Variants in CDH12 observed in about 807,000 individuals in gnomAD.
The protein encoded by CDH12 is cadherin 12.
Under a neutral mutation model 74.1 loss-of-function variants are expected in CDH12, and 41 were observed. That is an observed-to-expected ratio of 0.55 (90% CI 0.43 to 0.72). The LOEUF (loss-of-function observed/expected upper bound fraction) is 0.72. Among genes scored for constraint, CDH12 ranks in the 30% least tolerant of loss-of-function variants. The pLI, the probability that CDH12 is intolerant of heterozygous loss-of-function variation, is 0.00. For synonymous variants in CDH12, 399 were observed against 355.0 expected (o/e 1.12, Z -1.39); for missense variants, 945 against 977.2 (o/e 0.97, Z 0.44).
chr5:22,835,341 C>T (rs1223973533), intron 1 of CDH12, among the ~76,000 whole-genome samples: 1 of 152,072 alleles, frequency 6.6e-6, no homozygotes, highest in East Asian at 1.9e-4. Flanking sequence ...ATATGGAAAA[C>T]TAGGATATCC....
chr5:22,308,742 T>C (rs1413280447), intron 3 of CDH12, among the ~76,000 whole-genome samples: 2 of 151,364 alleles, frequency 1.3e-5, no homozygotes, highest in Non-Finnish European at 2.9e-5. Context: ...TTTCAGGAAC[T>C]AGGACATGGA....
intron 4 of CDH12, among the ~76,000 whole-genome samples, chr5:22,205,774 G>C (rs1751184691): frequency 6.6e-6 from 1 of 152,030 alleles, no homozygotes; most frequent in Non-Finnish European, 1.5e-5. Flanking sequence ...TCAGTATGGA[G>C]TTATCTTGGG....
intron 4 of CDH12, among the ~76,000 whole-genome samples, chr5:22,157,883 T>C (rs4235546): frequency 0.76 from 115,871 of 151,840 alleles, 45,320 homozygotes; most frequent in Non-Finnish European, 0.84. Flanking sequence ...ATATTTGGCA[T>C]GAAGTCTAAA....
Position 21,757,156 on chromosome 5 carries a change from T to C in CDH12, c.1634-1314A>G, listed in dbSNP as rs538396468. Among the ~76,000 whole-genome samples the C allele has an allele frequency of 2.6e-5, 4 of 152,244 alleles. No homozygotes were observed. In the East Asian group the frequency reaches 7.7e-4, roughly 29 times the overall value. On this transcript the variant is annotated intron_variant, in intron 13 of 14. Coordinates refer to ENST00000382254, the MANE Select transcript of CDH12 (RefSeq NM_004061.5). ...TATGTGTCAAATGGCAGCCTAACCC[T>C]TTTTAAAATGTTTATTTTCAATTTA...
intron 3 of CDH12, among the ~76,000 whole-genome samples, chr5:22,324,215 A>T (rs898714480): frequency 2.6e-5 from 4 of 152,130 alleles, no homozygotes; most frequent in African/African-American, 9.6e-5. Context: ...AATTTTTACT[A>T]AAATTACTAG....
chr5:22,718,990 T>C (rs1053240083), intron 1 of CDH12, among the ~76,000 whole-genome samples: 1 of 152,190 alleles, frequency 6.6e-6, no homozygotes, highest in Non-Finnish European at 1.5e-5. Context: ...ATAGAGCTTT[T>C]ACTGAGGTTC....
chr5:21,850,417 A>G (rs563578013), intron 7 of CDH12, among the ~76,000 whole-genome samples: 1 of 151,590 alleles, frequency 6.6e-6, no homozygotes, highest in African/African-American at 2.4e-5. Context: ...ATCTCTTATG[A>G]CAGCATGTTA....
intron 6 of CDH12, among the ~76,000 whole-genome samples, chr5:21,934,950 C>A (rs1755010678): frequency 6.6e-6 from 1 of 152,136 alleles, no homozygotes; most frequent in South Asian, 2.1e-4. Context: ...TCACGCCCGG[C>A]TAATTTTTTG....
intron 4 of CDH12, among the ~76,000 whole-genome samples, chr5:22,136,305 G>A (rs974397668): frequency 3.3e-5 from 5 of 151,840 alleles, no homozygotes; most frequent in Admixed American, 6.6e-5. Context: ...GTTCCATGTG[G>A]AGTGAGGTTA....
rs1266480250 is a variant in CDH12 at position 21,765,048 on chromosome 5, A to T, written c.1445T>A (p.Val482Glu). 1 of 1,609,640 alleles carries T rather than the reference A, an allele frequency of 6.2e-7. No individual in the cohort carries two copies. Among genetic ancestry groups the T allele is most frequent in the Admixed American group, 1.7e-5 (1 of 59,726 alleles). Residue 482 changes from valine (V) to glutamate (E), a missense_variant, in exon 12 of 15, where the codon GTA becomes GAA. Val to Glu is a moderately radical substitution (Grantham distance 121, BLOSUM62 -2). Transcript: ENST00000382254. ...KVNILINVLDVNEFPPEISVP... is the reference protein window; with the variant it reads ...KVNILINVLDENEFPPEISVP... ...AGATATTTCTGGAGGAAATTCATTT[A>T]CATCTAAGACATTAATCAGTATATT...
chr5:22,023,371 AC>A (rs1239618767), intron 5 of CDH12, among the ~76,000 whole-genome samples: 1 of 152,122 alleles, frequency 6.6e-6, no homozygotes, highest in African/African-American at 2.4e-5. Flanking sequence ...TGATATGCAC[AC>A]AGAAGTACTT....
intron 2 of CDH12, among the ~76,000 whole-genome samples, chr5:22,502,116 GC>G (rs1316829433): frequency 6.6e-6 from 1 of 152,064 alleles, no homozygotes; most frequent in Non-Finnish European, 1.5e-5. Context: ...ATATGGTTTG[GC>G]TTGTGTCCCC....
At chr5:22,803,844 A>G (rs901352035) in intron 1 of CDH12, among the ~76,000 whole-genome samples, 4 of 152,176 alleles carry the variant, frequency 2.6e-5, no homozygotes, top group African/African-American at 9.7e-5. Context: ...TCAAAACCCA[A>G]TCTGGGGTAG....
At chr5:22,632,284 C>G (rs930655321) in intron 1 of CDH12, among the ~76,000 whole-genome samples, 3 of 152,098 alleles carry the variant, frequency 2.0e-5, no homozygotes, top group Non-Finnish European at 2.9e-5. Context: ...GACATTTAAA[C>G]CTCTTCTTTT....
intron 4 of CDH12, among the ~76,000 whole-genome samples, chr5:22,156,770 G>C (rs1189777473): frequency 1.3e-5 from 2 of 152,080 alleles, no homozygotes; most frequent in Non-Finnish European, 2.9e-5. Flanking sequence ...TTAGCCTTTT[G>C]ACATTTTAAT....
At chr5:22,417,285 A>C (rs2126487256) in intron 2 of CDH12, among the ~76,000 whole-genome samples, 1 of 152,350 alleles carries the variant, frequency 6.6e-6, no homozygotes, top group South Asian at 2.1e-4. Context: ...TGTCCAATGC[A>C]ACAGGGTTGA....
intron 3 of CDH12, among the ~76,000 whole-genome samples, chr5:22,235,383 C>A (rs946056547): frequency 6.6e-6 from 1 of 152,098 alleles, no homozygotes; most frequent in South Asian, 2.1e-4. Flanking sequence ...GAATTCAAGA[C>A]CATCCTGGCC....
At chr5:22,419,807 C>A (rs1182083164) in intron 2 of CDH12, among the ~76,000 whole-genome samples, 1 of 152,184 alleles carries the variant, frequency 6.6e-6, no homozygotes, top group Non-Finnish European at 1.5e-5. Context: ...GCCTCACCAG[C>A]ATCTGCTGTT....
chr5:22,189,572 C>T (rs912823766), intron 4 of CDH12, among the ~76,000 whole-genome samples: 3 of 151,730 alleles, frequency 2.0e-5, no homozygotes, highest in African/African-American at 7.3e-5. Context: ...TCGATCTGTA[C>T]AATTCTATTT....
Sources: gnomAD v4.1 joint callset for allele counts (sites outside exome capture counted in the v4.1 genomes callset) on GRCh38, gnomAD v4.1.1 for gene constraint, MANE v1.5 for transcripts, NCBI Gene and HGNC (gene_info 2026-07-23, HGNC 2026-07-21) for gene names.